TRAF1: variants seen among roughly 807,000 people sequenced by gnomAD.
TRAF1 encodes TNF receptor associated factor 1, also known as TNF receptor-associated factor 1.
Under a neutral mutation model 40.9 loss-of-function variants are expected in TRAF1, and 23 were observed. That is an observed-to-expected ratio of 0.56 (90% CI 0.40 to 0.80). TRAF1 has a LOEUF of 0.80. TRAF1 is among the 30% of genes least tolerant of loss of function. The pLI is 0.00. For missense variants in TRAF1, 477 were observed against 528.7 expected, an observed-to-expected ratio of 0.90 and a Z score of 0.96; for synonymous variants, 206 against 218.8, an observed-to-expected ratio of 0.94 and a Z score of 0.52.
chr9:120,926,072 C>T lies in TRAF1; in HGVS notation c.4G>A (p.Ala2Thr). The T allele has an allele frequency of 6.3e-7, 1 of 1,585,958 alleles. No individual in the cohort carries two copies. The highest frequency in any genetic ancestry group is 8.6e-7 in the Non-Finnish European group (1 of 1,166,370). Reference protein sequence around the residue: MASSSGSSPRPA... With the variant: MTSSSGSSPRPA... ...CGAGGACTGCTGCCTGAGCTGGAGG[C>T]CATCTCAGGGTTCCAGGCTGGCCAG... Residue 2 changes from alanine to threonine, a missense_variant, in exon 2 of 8, where the codon GCC becomes ACC. Coordinates refer to ENST00000373887, the MANE Select transcript of TRAF1 (RefSeq NM_005658.5).
chr9:120,928,662 A>T (rs1322055773), upstream of TRAF1: 1 of 151,912 alleles, frequency 6.6e-6, no homozygotes, highest in African/African-American at 2.4e-5. Context: ...GCGCCCCTGC[A>T]CCAGACCCCA....
At chr9:120,905,678 C>G (rs1039479885) in intron 7 of TRAF1, among the ~76,000 whole-genome samples, 3 of 152,188 alleles carry the variant, frequency 2.0e-5, no homozygotes, top group African/African-American at 4.8e-5. Flanking sequence ...GGCAGAAGGG[C>G]CAGAACAGAG....
At chr9:120,920,533 G>A (rs1399298166) in intron 3 of TRAF1, among the ~76,000 whole-genome samples, 1 of 151,990 alleles carries the variant, frequency 6.6e-6, no homozygotes, top group Non-Finnish European at 1.5e-5. Context: ...GGGAGGGGGT[G>A]GGAGAAACAA....
At chr9:120,917,983 G>A (rs1338616171) in intron 3 of TRAF1, among the ~76,000 whole-genome samples, 1 of 152,124 alleles carries the variant, frequency 6.6e-6, no homozygotes, top group African/African-American at 2.4e-5. Context: ...TTGGGGGTGG[G>A]CCCTAATGCA....
intron 3 of TRAF1, among the ~76,000 whole-genome samples, chr9:120,920,747 T>C (rs769193501): frequency 2.0e-5 from 3 of 152,208 alleles, no homozygotes; most frequent in Non-Finnish European, 4.4e-5. Context: ...GATAATCATC[T>C]AATGAAGTCA....
chr9:120,913,812 A>G, intron 4 of TRAF1, 74 bp from the exon 5 acceptor site: 2 of 1,448,228 alleles, frequency 1.4e-6, no homozygotes, highest in East Asian at 4.6e-5. Flanking sequence ...GTGCCCTGCT[A>G]TCAAAGGTCA....
At position 120,926,685 on chromosome 9, in the gene TRAF1, C is replaced by T. The variant is rs1364642766; in HGVS notation, c.-362G>A. 6.6e-6 allele frequency: 1 copy of T among 152,236 alleles called. No individual in the cohort carries two copies. Among genetic ancestry groups the T allele is most frequent in the Non-Finnish European group, 1.5e-5 (1 of 68,098 alleles). The allele number at this position is 152,236 out of a possible 1,614,324, so 9.4% of individuals were successfully genotyped here. ...TTCCTCACAGTGGGTTCTGATGACTCCATCTGTAAAAAAGAAGTTGCAACA... is the reference window on the plus strand; with the variant it reads ...TTCCTCACAGTGGGTTCTGATGACTTCATCTGTAAAAAAGAAGTTGCAACA... On this transcript the variant is annotated 5_prime_UTR_variant, in exon 1 of 8. Coordinates refer to ENST00000373887, the MANE Select transcript of TRAF1 (RefSeq NM_005658.5).
chr9:120,905,045 T>C lies in TRAF1; in HGVS notation c.1226A>G (p.Lys409Arg). Residue 409 changes from lysine (K) to arginine (R), a missense_variant, in exon 8 of 8, where the codon AAG becomes AGG. Lys to Arg is a conservative substitution (Grantham distance 26). Transcript: ENST00000373887. ...AYVKDDTMFL[K>R]CIVETST Reference sequence around the variant, plus strand: ...CTAAGTGCTGGTCTCCACAATGCACTTGAGGAACATTGTGTCGTCCTTCAC... The same window carrying C: ...CTAAGTGCTGGTCTCCACAATGCACCTGAGGAACATTGTGTCGTCCTTCAC... 1 of 1,614,172 alleles carries C rather than the reference T, an allele frequency of 6.2e-7. No homozygotes were observed. The highest frequency in any genetic ancestry group is 1.3e-5 in the African/African-American group (1 of 75,072).
Position 120,923,727 on chromosome 9 carries a change from C to T in TRAF1, c.206G>A (p.Ser69Asn), listed in dbSNP as rs1170080611. ...TACCTTCTCCTGAGTTCGAAGACGG[C>T]TTCCTGGGCTTATAGACTGGAGGTC... ...GEDLQSISPGSRLRTQEKAHP... is the reference protein window; with the variant it reads ...GEDLQSISPGNRLRTQEKAHP... The change falls in exon 3 of 8, where the codon AGC becomes AAC. Residue 69 changes from serine (S) to asparagine (N), a missense_variant. Ser to Asn is a conservative substitution (Grantham distance 46, BLOSUM62 1). Coordinates refer to ENST00000373887, the MANE Select transcript of TRAF1 (RefSeq NM_005658.5). 4 of 1,614,164 alleles carry T rather than the reference C, an allele frequency of 2.5e-6. No individual in the cohort carries two copies. The highest frequency in any genetic ancestry group is 2.2e-5 in the South Asian group (2 of 91,088).
chr9:120,914,097 T>C, intron 4 of TRAF1, 138 bp downstream of exon 4: 1 of 714,330 alleles, frequency 1.4e-6, no homozygotes, highest in Non-Finnish European at 2.1e-6. Flanking sequence ...CTCTGATGCT[T>C]GGGAAAGTCA....
In TRAF1 at chr9:120,915,931, C is replaced by T. The variant is rs150430876; in HGVS notation, c.229-1631G>A. ...TAAAATAATTTACTTATAAACCATA[C>T]TTATAAAGTTACCATACAATCCACA... is the stretch of plus-strand genomic sequence containing the variant. On this transcript the variant is annotated intron_variant, in intron 3 of 7. Coordinates refer to ENST00000373887, the MANE Select transcript of TRAF1 (RefSeq NM_005658.5). 6.9e-3 allele frequency among the ~76,000 whole-genome samples: 1,055 copies of T among 152,252 alleles called. 13 individuals are homozygous for T. The highest frequency in any genetic ancestry group is 0.023 in the African/African-American group (970 of 41,544).
At chr9:120,918,129 T>C (rs1204263894) in intron 3 of TRAF1, among the ~76,000 whole-genome samples, 5 of 152,174 alleles carry the variant, frequency 3.3e-5, no homozygotes, top group African/African-American at 1.2e-4. Context: ...CTTGAACTTC[T>C]GGCCTCCAGA....
upstream of TRAF1, chr9:120,927,053 A>C (rs1207567123): frequency 1.3e-5 from 2 of 152,156 alleles, no homozygotes; most frequent in African/African-American, 4.8e-5. Flanking sequence ...TTCCCTCCAA[A>C]TCCTTACAGC....
intron 5 of TRAF1, among the ~76,000 whole-genome samples, 178 bp downstream of exon 5, chr9:120,913,150 T>C (rs1405471098): frequency 1.3e-5 from 2 of 152,140 alleles, no homozygotes; most frequent in Non-Finnish European, 2.9e-5. Context: ...GGTTATGACC[T>C]TGACTACAGC....
At chr9:120,922,604 G>A (rs925462102) in intron 3 of TRAF1, among the ~76,000 whole-genome samples, 1 of 152,090 alleles carries the variant, frequency 6.6e-6, no homozygotes, top group Non-Finnish European at 1.5e-5. Flanking sequence ...TGTCTCTCTG[G>A]CCTATCACAC....
intron 1 of TRAF1, 109 bp from the exon 2 acceptor site, chr9:120,926,410 T>C (rs757575281): frequency 9.2e-5 from 16 of 174,098 alleles, no homozygotes; most frequent in Non-Finnish European, 1.8e-4. Context: ...ACAGTGAGAG[T>C]TCCCCTGGTT....
intron 3 of TRAF1, among the ~76,000 whole-genome samples, chr9:120,916,925 T>C (rs920317455): frequency 6.6e-6 from 1 of 152,102 alleles, no homozygotes; most frequent in Admixed American, 6.5e-5. Context: ...GGGGAGCCTT[T>C]CAGGTCCCAC....
intron 3 of TRAF1, among the ~76,000 whole-genome samples, chr9:120,914,850 T>A (rs1273086147): frequency 6.6e-6 from 1 of 152,070 alleles, no homozygotes; most frequent in Non-Finnish European, 1.5e-5. Flanking sequence ...TACAGGAGGG[T>A]CTCAGTGCTA....
intron 3 of TRAF1, among the ~76,000 whole-genome samples, chr9:120,920,989 A>C (rs1034056239): frequency 2.6e-5 from 4 of 152,066 alleles, no homozygotes; most frequent in African/African-American, 9.7e-5. Context: ...TCCTTCCCCT[A>C]TGTGGCTTTG....
Sources: allele counts gnomAD v4.1 joint callset (sites outside exome capture counted in the v4.1 genomes callset), GRCh38; gene constraint gnomAD v4.1.1; transcripts MANE v1.5; gene names NCBI Gene and HGNC (gene_info 2026-07-23, HGNC 2026-07-21).